The following CIMIP2A variants were observed in gnomAD, a reference collection of about 807,000 sequenced individuals.
The protein encoded by CIMIP2A is family with sequence similarity 166 member A.
chr9:137,252,249 T>C, the CIMIP2A span: 1 of 1,430,980 alleles, frequency 7.0e-7, no homozygotes, highest in Non-Finnish European at 9.5e-7. Flanking sequence ...CACCCTTCCC[T>C]GCGTTCACCT....
At chr9:137,252,948 C>T in the CIMIP2A span, 1 of 1,599,102 alleles carries the variant, frequency 6.3e-7, no homozygotes, top group South Asian at 1.1e-5. Flanking sequence ...CCTGCGTTCA[C>T]CTCCTGGCTC....
At chr9:137,246,767 G>T in the CIMIP2A span, among the ~76,000 whole-genome samples, 4 of 147,284 alleles carry the variant, frequency 2.7e-5, no homozygotes. Context: ...CGTCTCAAAA[G>T]AAAAAAAAAA....
At chr9:137,252,055 G>T in the CIMIP2A span, 9 of 1,612,984 alleles carry the variant, frequency 5.6e-6, no homozygotes, top group African/African-American at 6.7e-5. Context: ...AGCCCCACCA[G>T]GTACCAGGTG....
At chr9:137,249,135 C>T in the CIMIP2A span, among the ~76,000 whole-genome samples, 5 of 151,920 alleles carry the variant, frequency 3.3e-5, no homozygotes, top group East Asian at 1.9e-4. Context: ...GGATTACAGG[C>T]GTGAGCCACT....
chr9:137,244,887 A>G, the CIMIP2A span: 3 of 1,573,126 alleles, frequency 1.9e-6, no homozygotes, highest in South Asian at 2.3e-5. Flanking sequence ...AAATGGGAAC[A>G]GGCAGGCAAG....
the CIMIP2A span, chr9:137,244,756 C>CG: frequency 1.9e-6 from 3 of 1,608,898 alleles, no homozygotes; most frequent in African/African-American, 2.7e-5. Context: ...GGCAGATGTA[C>CG]GGGCTACCCC....
the CIMIP2A span, among the ~76,000 whole-genome samples, chr9:137,246,026 C>T: frequency 6.6e-6 from 1 of 152,226 alleles, no homozygotes; most frequent in African/African-American, 2.4e-5. Context: ...TGGCACTTGC[C>T]TTCTAGAGCT....
At chr9:137,244,526 CCCTCCTCAG>C in the CIMIP2A span, 1 of 1,521,066 alleles carries the variant, frequency 6.6e-7, no homozygotes, top group Non-Finnish European at 8.9e-7. Flanking sequence ...AGGCAGAGCC[CCCTCCTCAG>C]GCTTCTCAGG....
chr9:137,251,932 G>A, the CIMIP2A span: 3 of 1,598,110 alleles, frequency 1.9e-6, no homozygotes, highest in Non-Finnish European at 1.7e-6. Context: ...CCCCAAGCTG[G>A]TCTTTGGGGG....
chr9:137,254,907 G>A, the CIMIP2A span, among the ~76,000 whole-genome samples: 1 of 152,298 alleles, frequency 6.6e-6, no homozygotes, highest in East Asian at 1.9e-4. Flanking sequence ...GGTGGGCTTC[G>A]TGCCCGTTTC....
At chr9:137,245,488 G>A in the CIMIP2A span, 278 of 1,613,734 alleles carry the variant, frequency 1.7e-4, 2 homozygotes, top group East Asian at 2.4e-4. Flanking sequence ...TACCCCTGGC[G>A]GCTCCTGGGC....
At chr9:137,251,515 ACAGGCTGTGGGG>A in the CIMIP2A span, 9 of 974,642 alleles carry the variant, frequency 9.2e-6, no homozygotes, top group African/African-American at 1.2e-4. Flanking sequence ...CAGTGTGGGG[ACAGGCTGTGGGG>A]CAGGCGGCTG....
the CIMIP2A span, chr9:137,252,352 G>A: frequency 4.9e-6 from 7 of 1,442,178 alleles, no homozygotes; most frequent in East Asian, 1.4e-4. Flanking sequence ...AGGGGCCGAG[G>A]GTGGGAACCG....
the CIMIP2A span, chr9:137,252,481 G>C: frequency 1.3e-6 from 2 of 1,596,804 alleles, no homozygotes; most frequent in Middle Eastern, 1.7e-4. Flanking sequence ...GTTCCAGAGC[G>C]AAAGCCCCTT....
At chr9:137,244,702 T>C in the CIMIP2A span, 1 of 1,613,480 alleles carries the variant, frequency 6.2e-7, no homozygotes, top group African/African-American at 1.3e-5. Flanking sequence ...TCAACCCCAT[T>C]ACCCAGGTGA....
chr9:137,244,776 T>C, the CIMIP2A span: 1 of 1,602,360 alleles, frequency 6.2e-7, no homozygotes, highest in African/African-American at 1.3e-5. Context: ...CAAGCCCCCT[T>C]AGCCTTCCCC....
At chr9:137,244,962 C>G in the CIMIP2A span, 4 of 1,603,874 alleles carry the variant, frequency 2.5e-6, no homozygotes, top group East Asian at 2.2e-5. Flanking sequence ...GAGGTCCCCC[C>G]AGGCCGCTAG....
chr9:137,244,402 T>A, the CIMIP2A span: 1 of 1,572,162 alleles, frequency 6.4e-7, no homozygotes, highest in Non-Finnish European at 8.6e-7. Flanking sequence ...AAGCTGCTAA[T>A]GCTCCCAGCC....
the CIMIP2A span, chr9:137,253,179 TG>T: frequency 6.2e-7 from 1 of 1,605,934 alleles, no homozygotes; most frequent in South Asian, 1.1e-5. Flanking sequence ...CTTCGGCGCC[TG>T]GCGTGGTCAT....
Sources: gnomAD v4.1 joint callset for allele counts (sites outside exome capture counted in the v4.1 genomes callset) on GRCh38, gnomAD v4.1.1 for gene constraint, MANE v1.5 for transcripts, NCBI Gene and HGNC (gene_info 2026-07-23, HGNC 2026-07-21) for gene names.